Variants in TCTN1 observed in about 807,000 individuals in gnomAD.
The protein encoded by TCTN1 is tectonic-1.
In TCTN1, 58 loss-of-function variants were observed where a neutral mutation model predicts 65.8. The ratio of observed to expected loss-of-function variants is 0.88; its 90% CI spans 0.71 to 1.10. The LOEUF is 1.10. TCTN1 is among the 50% of genes least tolerant of loss of function. The probability of loss-of-function intolerance (pLI) is 0.00; values close to 1 mark genes in which losing one functional copy is unlikely to be tolerated. For synonymous variants in TCTN1, 273 were observed against 289.1 expected (o/e 0.94, Z 0.57); for missense variants, 645 against 719.4 (o/e 0.90, Z 1.18).
intron 2 of TCTN1, among the ~76,000 whole-genome samples, chr12:110,622,442 T>G (rs1025639307): frequency 1.3e-5 from 2 of 151,254 alleles, no homozygotes; most frequent in African/African-American, 2.4e-5. Context: ...GACAGAGGAG[T>G]GGATGGCAGT....
intron 7 of TCTN1, among the ~76,000 whole-genome samples, chr12:110,637,910 G>A (rs1411430025): frequency 6.6e-6 from 1 of 152,114 alleles, no homozygotes; most frequent in East Asian, 1.9e-4. Flanking sequence ...GACTAGGAAG[G>A]AGGTGGGTCC....
At chr12:110,625,203 C>T (rs1054781125) in intron 2 of TCTN1, among the ~76,000 whole-genome samples, 5 of 152,286 alleles carry the variant, frequency 3.3e-5, no homozygotes, top group African/African-American at 4.8e-5. Flanking sequence ...CCCTGATCTA[C>T]GTTCTTGACA....
chr12:110,615,717 C>T lies in TCTN1; in HGVS notation c.220+1315C>T, dbSNP rs534682082. On this transcript the variant is annotated intron_variant, in intron 1 of 14. Coordinates refer to ENST00000397659, the MANE Select transcript of TCTN1 (RefSeq NM_001082538.3). ...CAGGCTGATCTCAAACTCCTGGGCT[C>T]AAGTGATCCTCCCACCTTGGCCTTC... is the stretch of plus-strand genomic sequence containing the variant. Among the ~76,000 whole-genome samples the T allele has an allele frequency of 1.2e-3, 186 of 152,232 alleles. 1 individual carries two copies. Among genetic ancestry groups the T allele is most frequent in the African/African-American group, 4.3e-3 (180 of 41,540 alleles).
chr12:110,634,513 C>T (rs563620868), intron 5 of TCTN1, 157 bp from the exon 6 acceptor site: 87 of 668,968 alleles, frequency 1.3e-4, no homozygotes, highest in Non-Finnish European at 2.1e-4. Flanking sequence ...CTTGTCTCTA[C>T]TAAAAAAACA....
rs1291679517 is a variant in TCTN1 at position 110,649,263 on chromosome 12, G to C, written c.*222G>C. On this transcript the variant is annotated 3_prime_UTR_variant, in exon 15 of 15. Coordinates refer to ENST00000397659, the MANE Select transcript of TCTN1 (RefSeq NM_001082538.3). ...GGTACTGGACCTTCCACAAGGCTGT[G>C]TCCACCCAGAATCCATGCTGGCAGG... 1.4e-6 allele frequency: 1 copy of C among 695,124 alleles called. No homozygotes were observed. The highest frequency in any genetic ancestry group is 2.6e-6 in the Non-Finnish European group (1 of 381,830). The allele number at this position is 695,124 out of a possible 1,614,324, so 43.1% of individuals were successfully genotyped here.
At chr12:110,642,736 T>C (rs2067040960) in intron 11 of TCTN1, among the ~76,000 whole-genome samples, 1 of 151,022 alleles carries the variant, frequency 6.6e-6, no homozygotes, top group Non-Finnish European at 1.5e-5. Context: ...TAGTTGGGAC[T>C]ACAGGCATGC....
rs770128354 is a variant in TCTN1, at chr12:110,640,543, G to C, written c.978+26G>C. The C allele has an allele frequency of 8.1e-5, 131 of 1,613,920 alleles. No individual in the cohort carries two copies. Among genetic ancestry groups the C allele is most frequent in the Non-Finnish European group, 1.0e-4 (119 of 1,180,022 alleles). On this transcript the variant is annotated intron_variant, in intron 8 of 14. Coordinates refer to ENST00000397659, the MANE Select transcript of TCTN1 (RefSeq NM_001082538.3). The surrounding 1 kb of genome is among the most constrained non-coding windows in gnomAD (Gnocchi z 4.9). ...GTAGGTGCCGAGTTTGGCTTTGAGA[G>C]CTTGTCTGTGGCAGACTTAAGCCTC...
At chr12:110,622,945 C>T (rs2065544362) in intron 2 of TCTN1, among the ~76,000 whole-genome samples, 1 of 152,144 alleles carries the variant, frequency 6.6e-6, no homozygotes, top group South Asian at 2.1e-4. Context: ...GACAGTGGGG[C>T]TAGGGAGAAG....
chr12:110,622,781 C>T (rs2065533948), intron 2 of TCTN1, among the ~76,000 whole-genome samples: 1 of 152,084 alleles, frequency 6.6e-6, no homozygotes, highest in South Asian at 2.1e-4. Flanking sequence ...GTCCACAGGG[C>T]CTGGGTTGTA....
At chr12:110,623,982 G>A (rs2065638104) in intron 2 of TCTN1, among the ~76,000 whole-genome samples, 1 of 152,080 alleles carries the variant, frequency 6.6e-6, no homozygotes, top group Non-Finnish European at 1.5e-5. Flanking sequence ...GTGCATATTA[G>A]GCATTATATA....
chr12:110,645,031 G>T lies in TCTN1; in HGVS notation c.1396G>T (p.Gly466Cys), dbSNP rs118096349. ...GGTGAAGAGCCTGCTGTGGGGCCAG[G>T]GCTTCCCAGATTACGTGGCCCCTTT... ...QKVKSLLWGQGFPDYVAPFGN... is the reference protein window; with the variant it reads ...QKVKSLLWGQCFPDYVAPFGN... The change falls in exon 12 of 15, where the codon GGC (glycine) becomes TGC (cysteine). Residue 466 changes from glycine (G) to cysteine (C), a missense_variant. Gly to Cys is a radical substitution (Grantham distance 159). Transcript: ENST00000397659. The T allele has an allele frequency of 0.023, 37,418 of 1,614,174 alleles. 579 individuals are homozygous for T. Among genetic ancestry groups the T allele is most frequent in the South Asian group, 0.051 (4,631 of 91,088 alleles).
intron 4 of TCTN1, chr12:110,629,156 A>G: frequency 1.7e-6 from 1 of 601,770 alleles, no homozygotes; most frequent in Non-Finnish European, 2.9e-6. Context: ...AAGAAAACCC[A>G]GGCAATACCA....
intron 1 of TCTN1, among the ~76,000 whole-genome samples, chr12:110,615,111 C>T (rs1202953119): frequency 6.6e-6 from 1 of 152,138 alleles, no homozygotes. Context: ...GTCAAAATGG[C>T]GAAACCCAGT....
chr12:110,628,691 A>G, intron 3 of TCTN1, 76 bp from the exon 4 acceptor site: 1 of 1,354,576 alleles, frequency 7.4e-7, no homozygotes, highest in East Asian at 2.5e-5. Context: ...AAAACTTTCC[A>G]AAACCTTTAT....
chr12:110,637,748 A>T (rs1279358784), intron 7 of TCTN1, among the ~76,000 whole-genome samples: 1 of 151,856 alleles, frequency 6.6e-6, no homozygotes, highest in African/African-American at 2.4e-5. Flanking sequence ...CCTCCCTCCA[A>T]CCCCTAGAGA....
At chr12:110,616,405 C>A in intron 1 of TCTN1, 3 of 294,130 alleles carry the variant, frequency 1.0e-5, no homozygotes, top group Admixed American at 3.8e-5. Context: ...GTGCTGCATG[C>A]CACCACGCCC....
At chr12:110,627,701 T>A (rs1016623598) in intron 3 of TCTN1, 6 of 448,664 alleles carry the variant, frequency 1.3e-5, no homozygotes, top group Non-Finnish European at 2.3e-5. Flanking sequence ...GGTTTCTATT[T>A]CCTTTTTTCT....
chr12:110,627,734 G>T, intron 3 of TCTN1: 273 of 403,990 alleles, frequency 6.8e-4, no homozygotes, highest in Non-Finnish European at 8.0e-4. Context: ...AAGAATATTT[G>T]CATGAAAACA....
chr12:110,634,744 A>G lies in TCTN1; in HGVS notation c.787A>G (p.Ser263Gly), dbSNP rs778482271. Residue 263 changes from serine to glycine, a missense_variant, in exon 6 of 15, where the codon AGC becomes GGC. Ser to Gly is a moderately conservative substitution (Grantham distance 56, BLOSUM62 0). Transcript: ENST00000397659. ...LEQCEEIEAL[S>G]MAFYSSPEIL... ...ACAGTGTGAAGAAATTGAAGCCCTC[A>G]GCATGGCTTTTTACAGCAGCCCGGA... is the stretch of plus-strand genomic sequence containing the variant. 3 of 1,612,060 alleles carry G rather than the reference A, an allele frequency of 1.9e-6. No individual in the cohort carries two copies. Among genetic ancestry groups the G allele is most frequent in the Non-Finnish European group, 8.5e-7 (1 of 1,178,972 alleles).
Sources: allele counts gnomAD v4.1 joint callset (sites outside exome capture counted in the v4.1 genomes callset), GRCh38; gene constraint gnomAD v4.1.1; non-coding constraint Gnocchi (gnomAD v3.1); transcripts MANE v1.5; gene names NCBI Gene and HGNC (gene_info 2026-07-23, HGNC 2026-07-21).